The following LGR5 variants were observed in gnomAD, a reference collection of about 807,000 sequenced individuals.
LGR5 encodes the protein leucine rich repeat containing G protein-coupled receptor 5.
A neutral mutation model predicts 76.7 loss-of-function variants in LGR5; 54 were observed. The observed-to-expected ratio is 0.70, with a 90% confidence interval of 0.57 to 0.88. The LOEUF (loss-of-function observed/expected upper bound fraction) is 0.88, where lower values mean the gene tolerates loss of function less well. Ranked by LOEUF, LGR5 falls within the 40% of genes least tolerant of loss-of-function variation. LGR5 has a pLI of 0.00. For missense variants in LGR5, 1,078 were observed against 1,073.3 expected (o/e 1.00, Z -0.06); for synonymous variants, 406 against 421.9 (o/e 0.96, Z 0.46).
intron 1 of LGR5, among the ~76,000 whole-genome samples, chr12:71,477,579 TA>T (rs1299115483): frequency 6.6e-6 from 1 of 151,840 alleles, no homozygotes; most frequent in Non-Finnish European, 1.5e-5. Context: ...AATAAAAGAA[TA>T]AAAAGCTTCA....
intron 16 of LGR5, among the ~76,000 whole-genome samples, 189 bp downstream of exon 16, chr12:71,580,612 A>G (rs988693597): frequency 6.6e-6 from 1 of 152,158 alleles, no homozygotes; most frequent in African/African-American, 2.4e-5. Context: ...CCTGGCCAAC[A>G]TGGTGAAACC....
At chr12:71,474,281 G>T (rs2137248336) in intron 1 of LGR5, among the ~76,000 whole-genome samples, 1 of 152,334 alleles carries the variant, frequency 6.6e-6, no homozygotes, top group African/African-American at 2.4e-5. Context: ...ACCATTTGGT[G>T]TGTTAACAAG....
At chr12:71,503,192 C>T (rs1874690026) in intron 1 of LGR5, among the ~76,000 whole-genome samples, 1 of 152,150 alleles carries the variant, frequency 6.6e-6, no homozygotes, top group African/African-American at 2.4e-5. Flanking sequence ...AACTTAATGA[C>T]TGTGCTATTT....
Position 71,584,444 on chromosome 12 carries a change from C to G in LGR5, c.2434C>G (p.Pro812Ala). Residue 812 changes from proline to alanine, a missense_variant, in exon 18 of 18, where the codon CCT becomes GCT. Transcript: ENST00000266674. ...KFILLVVVPLPACLNPLLYIL... is the reference protein window; with the variant it reads ...KFILLVVVPLAACLNPLLYIL... ...TATCCTTCTGGTGGTAGTCCCACTT[C>G]CTGCATGTCTCAATCCCCTTCTCTA... 6.2e-7 allele frequency: 1 copy of G among 1,614,144 alleles called. No homozygotes were observed. The highest frequency in any genetic ancestry group is 8.5e-7 in the Non-Finnish European group (1 of 1,179,974).
chr12:71,508,035 A>G (rs925916196), intron 2 of LGR5, among the ~76,000 whole-genome samples: 1 of 151,130 alleles, frequency 6.6e-6, no homozygotes, highest in Non-Finnish European at 1.5e-5. Flanking sequence ...CCTGGCCAAC[A>G]TGGTGAAACC....
intron 1 of LGR5, among the ~76,000 whole-genome samples, chr12:71,460,913 T>C (rs1592460329): frequency 1.3e-5 from 2 of 152,300 alleles, no homozygotes. Flanking sequence ...TGCATAGCAC[T>C]CTCAACTAGG....
At chr12:71,463,903 C>A (rs2137231419) in intron 1 of LGR5, among the ~76,000 whole-genome samples, 1 of 152,054 alleles carries the variant, frequency 6.6e-6, no homozygotes, top group South Asian at 2.1e-4. Flanking sequence ...AGGTCTTGAT[C>A]CTGCCTGACT....
At chr12:71,464,660 G>A (rs1176300326) in intron 1 of LGR5, among the ~76,000 whole-genome samples, 1 of 152,100 alleles carries the variant, frequency 6.6e-6, no homozygotes, top group Non-Finnish European at 1.5e-5. Flanking sequence ...ATAATCGTAA[G>A]TCTATATTAA....
chr12:71,448,089 A>AC (rs1304298558), intron 1 of LGR5, among the ~76,000 whole-genome samples: 2 of 148,474 alleles, frequency 1.3e-5, no homozygotes, highest in Admixed American at 1.3e-4. Context: ...ACACAAACAC[A>AC]CACACACACA....
chr12:71,579,961 C>T (rs1879020979), intron 15 of LGR5, among the ~76,000 whole-genome samples: 1 of 152,156 alleles, frequency 6.6e-6, no homozygotes, highest in Non-Finnish European at 1.5e-5. Context: ...CTGCCATAAG[C>T]ACTTTTTCAT....
chr12:71,503,395 CAG>C (rs1462468956), intron 1 of LGR5, among the ~76,000 whole-genome samples: 1 of 152,132 alleles, frequency 6.6e-6, no homozygotes, highest in Non-Finnish European at 1.5e-5. Flanking sequence ...TGTTCACTAA[CAG>C]ATAATAAAAT....
chr12:71,580,990 A>C (rs1879067614), intron 16 of LGR5, among the ~76,000 whole-genome samples: 1 of 152,198 alleles, frequency 6.6e-6, no homozygotes, highest in Admixed American at 6.5e-5. Flanking sequence ...GTATAATTAG[A>C]TTCCCCCTTA....
chr12:71,454,726 A>C (rs1872391070), intron 1 of LGR5, among the ~76,000 whole-genome samples: 1 of 151,832 alleles, frequency 6.6e-6, no homozygotes, highest in Non-Finnish European at 1.5e-5. Flanking sequence ...CCATGGGTAG[A>C]GTACAATCCT....
At chr12:71,477,933 AATC>A (rs553882886) in intron 1 of LGR5, among the ~76,000 whole-genome samples, 48 of 152,300 alleles carry the variant, frequency 3.2e-4, no homozygotes, top group African/African-American at 1.1e-3. Flanking sequence ...CCTTTAGCGT[AATC>A]ATCAATATGC....
At chr12:71,545,438 T>A (rs1877107173) in intron 4 of LGR5, among the ~76,000 whole-genome samples, 1 of 152,056 alleles carries the variant, frequency 6.6e-6, no homozygotes, top group South Asian at 2.1e-4. Context: ...AGTGACAGAG[T>A]GAGACCCTGT....
chr12:71,583,409 C>T, intron 17 of LGR5: 3 of 501,174 alleles, frequency 6.0e-6, no homozygotes, highest in Non-Finnish European at 1.1e-5. Context: ...TCTCCATTCT[C>T]ATTTCTCCAT....
chr12:71,530,446 G>A (rs1039259579), intron 3 of LGR5, among the ~76,000 whole-genome samples: 1 of 152,194 alleles, frequency 6.6e-6, no homozygotes. Context: ...GGATGGTAAA[G>A]AGGGCATATG....
rs1306177185 is a variant in LGR5, at chr12:71,440,594, C to T, written c.212+302C>T. 1.3e-5 allele frequency among the ~76,000 whole-genome samples: 2 copies of T among 152,196 alleles called. No homozygotes were observed. Among genetic ancestry groups the T allele is most frequent in the Non-Finnish European group, 2.9e-5 (2 of 68,034 alleles). On this transcript the variant is annotated intron_variant, in intron 1 of 17. Transcript: ENST00000266674. The surrounding 1 kb of genome is among the most constrained non-coding windows in gnomAD (Gnocchi z 5.3). ...ATCGCAGGGCGAATTCCTGCAAATG[C>T]AGGCATTTGCGTGCGGAGTGGACAT... is the stretch of plus-strand genomic sequence containing the variant.
chr12:71,464,044 GT>G (rs1345190097), intron 1 of LGR5, among the ~76,000 whole-genome samples: 3 of 152,112 alleles, frequency 2.0e-5, no homozygotes, highest in African/African-American at 7.2e-5. Context: ...GCAAAAATAT[GT>G]TATTGTAGGG....
Sources: allele counts gnomAD v4.1 joint callset (sites outside exome capture counted in the v4.1 genomes callset), GRCh38; gene constraint gnomAD v4.1.1; non-coding constraint Gnocchi (gnomAD v3.1); transcripts MANE v1.5; gene names NCBI Gene and HGNC (gene_info 2026-07-23, HGNC 2026-07-21).